The following SLC8A1 variants were observed in gnomAD, a reference collection of about 807,000 sequenced individuals.
SLC8A1 encodes the protein solute carrier family 8 member A1.
Under a neutral mutation model 68.3 loss-of-function variants are expected in SLC8A1, and 18 were observed. That is an observed-to-expected ratio of 0.26 (90% confidence interval 0.18 to 0.39). SLC8A1 has a LOEUF of 0.39. Among genes scored for constraint, SLC8A1 ranks in the 10% least tolerant of loss-of-function variants. The pLI, the probability that SLC8A1 is intolerant of heterozygous loss-of-function variation, is 1.00. For synonymous variants in SLC8A1, 475 were observed against 415.5 expected (o/e 1.14, Z -1.74); for missense variants, 985 against 1,156.7 (o/e 0.85, Z 2.15).
intron 2 of SLC8A1, among the ~76,000 whole-genome samples, chr2:40,221,370 T>C (rs2058308632): frequency 6.6e-6 from 1 of 152,162 alleles, no homozygotes; most frequent in Middle Eastern, 3.2e-3. Flanking sequence ...TAGGTATTGA[T>C]AGAACGTATT....
chr2:40,315,344 G>A (rs6752676), intron 2 of SLC8A1, among the ~76,000 whole-genome samples: 150,932 of 151,882 alleles, frequency 0.99, 74,996 homozygotes, highest in East Asian at 1. Context: ...ATTGCAAAAC[G>A]TAATTTCTAG....
chr2:40,359,499 G>A (rs1051325945), intron 2 of SLC8A1, among the ~76,000 whole-genome samples: 2 of 152,022 alleles, frequency 1.3e-5, no homozygotes, highest in South Asian at 2.1e-4. Flanking sequence ...TGGGATCTTC[G>A]CAGCTTCTGG....
At chr2:40,286,233 G>A (rs566902084) in intron 2 of SLC8A1, among the ~76,000 whole-genome samples, 2 of 152,148 alleles carry the variant, frequency 1.3e-5, no homozygotes, top group Admixed American at 1.3e-4. Context: ...TTATCTTCAA[G>A]AGAAGAGGCT....
rs547057875 is a variant in SLC8A1 at position 40,197,021 on chromosome 2, T to C, written c.1809-19166A>G. Among the ~76,000 whole-genome samples, 31 of 152,204 alleles carry C rather than the reference T, an allele frequency of 2.0e-4. No homozygotes were observed. The South Asian group carries it at 6.4e-3, about 31-fold the overall frequency. Reference sequence around the variant, plus strand: ...AGATCGATTTGTTCTGTAACTTGTATAATTTTCCATTAGAAGATGTCATGG... The same window carrying C: ...AGATCGATTTGTTCTGTAACTTGTACAATTTTCCATTAGAAGATGTCATGG... On this transcript the variant is annotated intron_variant, in intron 2 of 7. Transcript: ENST00000406785.
chr2:40,420,082 A>G (rs1022486282), intron 2 of SLC8A1, among the ~76,000 whole-genome samples: 1 of 152,166 alleles, frequency 6.6e-6, no homozygotes, highest in Non-Finnish European at 1.5e-5. Context: ...TGTCCTCCAG[A>G]GAGGATTCAG....
chr2:40,130,409 G>T (rs1239336231), intron 7 of SLC8A1, among the ~76,000 whole-genome samples: 1 of 152,228 alleles, frequency 6.6e-6, no homozygotes, highest in Non-Finnish European at 1.5e-5. Flanking sequence ...GTGCTGGAAA[G>T]TACAAAGCAT....
chr2:40,409,893 T>C (rs1285771906), intron 2 of SLC8A1, among the ~76,000 whole-genome samples: 2 of 152,090 alleles, frequency 1.3e-5, no homozygotes, highest in East Asian at 1.9e-4. Context: ...TGAAAACTTA[T>C]CAGTGGTGCT....
chr2:40,198,406 T>C (rs2053498524), intron 2 of SLC8A1, among the ~76,000 whole-genome samples: 1 of 151,976 alleles, frequency 6.6e-6, no homozygotes, highest in Non-Finnish European at 1.5e-5. Flanking sequence ...CACCATTATA[T>C]ATTTATTTAG....
chr2:40,472,258 C>T (rs565368403), intron 1 of SLC8A1, among the ~76,000 whole-genome samples: 1 of 152,180 alleles, frequency 6.6e-6, no homozygotes, highest in Non-Finnish European at 1.5e-5. Context: ...TTCTATGTCT[C>T]AAATTATTCC....
chr2:40,467,403 GGGGGTGAAAGT>G (rs1219671592), intron 1 of SLC8A1, among the ~76,000 whole-genome samples: 1 of 152,112 alleles, frequency 6.6e-6, no homozygotes, highest in Non-Finnish European at 1.5e-5. Flanking sequence ...TGATGGGGGT[GGGGGTGAAAGT>G]GCTATTAACT....
At chr2:40,272,933 A>G (rs1176315931) in intron 2 of SLC8A1, among the ~76,000 whole-genome samples, 1 of 151,774 alleles carries the variant, frequency 6.6e-6, no homozygotes, top group Non-Finnish European at 1.5e-5. Flanking sequence ...ACATGCACAC[A>G]CTCCAAATAT....
At chr2:40,275,799 A>C (rs1356111498) in intron 2 of SLC8A1, among the ~76,000 whole-genome samples, 1 of 152,036 alleles carries the variant, frequency 6.6e-6, no homozygotes, top group Non-Finnish European at 1.5e-5. Context: ...GGCAGCACTG[A>C]CTCTTGAGGC....
intron 2 of SLC8A1, among the ~76,000 whole-genome samples, chr2:40,394,537 C>A (rs1420805262): frequency 6.6e-6 from 1 of 151,938 alleles, no homozygotes; most frequent in Non-Finnish European, 1.5e-5. Context: ...CATCAAGTTT[C>A]TGTTAGACAT....
At chr2:40,356,361 C>T (rs1446604349) in intron 2 of SLC8A1, among the ~76,000 whole-genome samples, 1 of 152,028 alleles carries the variant, frequency 6.6e-6, no homozygotes, top group East Asian at 1.9e-4. Flanking sequence ...AAACCAATTC[C>T]TGCTCTCAAA....
At chr2:40,460,051 G>A (rs1184800589) in intron 1 of SLC8A1, among the ~76,000 whole-genome samples, 3 of 152,114 alleles carry the variant, frequency 2.0e-5, no homozygotes, top group African/African-American at 4.8e-5. Context: ...TATTTGCAGA[G>A]TCTTGTATAC....
At chr2:40,290,929 C>A (rs2069193474) in intron 2 of SLC8A1, among the ~76,000 whole-genome samples, 1 of 152,268 alleles carries the variant, frequency 6.6e-6, no homozygotes, top group Non-Finnish European at 1.5e-5. Flanking sequence ...CCTCTGGCAA[C>A]TTTGATGAAA....
intron 7 of SLC8A1, among the ~76,000 whole-genome samples, chr2:40,116,634 G>A (rs2035474051): frequency 6.6e-6 from 1 of 150,936 alleles, no homozygotes; most frequent in Non-Finnish European, 1.5e-5. Flanking sequence ...GCTTAGAGAT[G>A]ACAAGTAGTG....
At chr2:40,463,084 T>C (rs1285836952) in intron 1 of SLC8A1, among the ~76,000 whole-genome samples, 2 of 152,114 alleles carry the variant, frequency 1.3e-5, no homozygotes, top group African/African-American at 4.8e-5. Flanking sequence ...TTAATTAACA[T>C]TGTGGTAAGT....
rs757188625 is a variant in SLC8A1 at position 40,428,625 on chromosome 2, G to A, written c.1656C>T (p.Ser552=). 4 of 1,613,782 alleles carry A rather than the reference G, an allele frequency of 2.5e-6. No homozygotes were observed. The East Asian group carries it at 6.7e-5, about 27-fold the overall frequency. Residue 552 remains serine, a synonymous_variant, in exon 2 of 8, where the codon AGC becomes AGT. Coordinates refer to ENST00000406785, the Ensembl canonical transcript of SLC8A1. ...ATACTTTCACCTCCATGATGCCAAT[G>A]CTCTCACTCACATGAGTCACAGGTT... is the stretch of plus-strand genomic sequence containing the variant.
Sources: allele counts gnomAD v4.1 joint callset (sites outside exome capture counted in the v4.1 genomes callset), GRCh38; gene constraint gnomAD v4.1.1; transcripts MANE v1.5; gene names NCBI Gene and HGNC (gene_info 2026-07-23, HGNC 2026-07-21).